Variants in RORB observed in about 807,000 individuals in gnomAD.
RORB encodes RAR related orphan receptor B.
In RORB, 6 loss-of-function variants were observed where a neutral mutation model predicts 59.1. That is an observed-to-expected ratio of 0.10 (90% confidence interval 0.06 to 0.20). The LOEUF (loss-of-function observed/expected upper bound fraction) is 0.20, where lower values mean the gene tolerates loss of function less well. Ranked by LOEUF, RORB falls within the 10% of genes least tolerant of loss-of-function variation. The pLI, the probability that RORB is intolerant of heterozygous loss-of-function variation, is 1.00. For missense variants in RORB, 320 were observed against 560.5 expected, an observed-to-expected ratio of 0.57 and a Z score of 4.33; for synonymous variants, 215 against 204.5, an observed-to-expected ratio of 1.05 and a Z score of -0.44.
At chr9:74,640,444 T>TGTGTGTGC (rs1422375477) in intron 3 of RORB, among the ~76,000 whole-genome samples, 4 of 151,714 alleles carry the variant, frequency 2.6e-5, no homozygotes, top group African/African-American at 7.2e-5. Context: ...TGTGTGTGTG[T>TGTGTGTGC]GTGTGTGTGT....
At chr9:74,657,914 A>C (rs1422180264) in intron 4 of RORB, among the ~76,000 whole-genome samples, 2 of 148,964 alleles carry the variant, frequency 1.3e-5, no homozygotes, top group Admixed American at 6.8e-5. Flanking sequence ...CTGAGGCATG[A>C]GAATCACTTG....
intron 1 of RORB, among the ~76,000 whole-genome samples, chr9:74,509,465 A>G (rs1431437157): frequency 2.0e-5 from 3 of 152,084 alleles, no homozygotes; most frequent in African/African-American, 7.2e-5. Context: ...CAGCAATTTT[A>G]TCAGAAATAG....
At chr9:74,587,340 C>A (rs1318477932) in intron 1 of RORB, among the ~76,000 whole-genome samples, 1 of 152,172 alleles carries the variant, frequency 6.6e-6, no homozygotes, top group East Asian at 1.9e-4. Flanking sequence ...AGATAAGAGG[C>A]ATTGGATGGT....
intron 1 of RORB, among the ~76,000 whole-genome samples, chr9:74,568,654 C>G (rs191865300): frequency 5.4e-5 from 8 of 147,322 alleles, no homozygotes; most frequent in African/African-American, 2.0e-4. Context: ...GAGCCAAGGT[C>G]GCGCCATTGC....
chr9:74,552,751 G>A (rs927660506), intron 1 of RORB, among the ~76,000 whole-genome samples: 9 of 151,798 alleles, frequency 5.9e-5, no homozygotes, highest in South Asian at 2.1e-4. Context: ...AGTATAAGGC[G>A]GTCAATGCAG....
intron 4 of RORB, among the ~76,000 whole-genome samples, chr9:74,655,651 C>T (rs1341372968): frequency 6.6e-6 from 1 of 152,196 alleles, no homozygotes; most frequent in African/African-American, 2.4e-5. Flanking sequence ...CCAACAGAAA[C>T]TTTGCATACT....
At chr9:74,508,145 C>T (rs1018140910) in intron 1 of RORB, among the ~76,000 whole-genome samples, 2 of 151,836 alleles carry the variant, frequency 1.3e-5, no homozygotes, top group African/African-American at 4.8e-5. Context: ...TTTATCCTTG[C>T]ATATATACTT....
chr9:74,513,570 A>C (rs940963195), intron 1 of RORB, among the ~76,000 whole-genome samples: 2 of 152,066 alleles, frequency 1.3e-5, no homozygotes, highest in African/African-American at 4.8e-5. Flanking sequence ...AAAATGGTTA[A>C]GTCTAAAATA....
In RORB at chr9:74,675,684, G is replaced by A. The variant is rs1824425845; in HGVS notation, c.1224+3783G>A. Among the ~76,000 whole-genome samples the A allele has an allele frequency of 3.3e-5, 5 of 152,218 alleles. No homozygotes were observed. In the South Asian group the frequency reaches 8.3e-4, roughly 25 times the overall value. On this transcript the variant is annotated intron_variant, in intron 9 of 9. Coordinates refer to ENST00000376896, the MANE Select transcript of RORB (RefSeq NM_006914.4). ...TTGAGGACGATACTCCAGCTTCAAA[G>A]CTGCAAAGCATACAGTGTGTGCAAA...
intron 9 of RORB, among the ~76,000 whole-genome samples, chr9:74,673,873 G>A (rs1290867360): frequency 6.6e-6 from 1 of 152,128 alleles, no homozygotes; most frequent in Non-Finnish European, 1.5e-5. Flanking sequence ...TTTTTGTGTG[G>A]CCCCTTTCTT....
intron 1 of RORB, among the ~76,000 whole-genome samples, chr9:74,508,369 G>C (rs1025257712): frequency 1.3e-5 from 2 of 151,904 alleles, no homozygotes; most frequent in Non-Finnish European, 2.9e-5. Context: ...TATGTGATTG[G>C]TTTTAGAAAG....
chr9:74,607,918 A>C (rs1464067538), intron 1 of RORB, among the ~76,000 whole-genome samples: 1 of 152,172 alleles, frequency 6.6e-6, no homozygotes, highest in Non-Finnish European at 1.5e-5. Flanking sequence ...TACTGCAGAC[A>C]TATGGGCTGG....
intron 1 of RORB, among the ~76,000 whole-genome samples, chr9:74,603,955 G>A (rs2118331231): frequency 6.6e-6 from 1 of 152,312 alleles, no homozygotes; most frequent in East Asian, 1.9e-4. Flanking sequence ...TATGCTAAAA[G>A]GAAAGAGGAG....
At position 74,544,091 on chromosome 9, in the gene RORB, A is replaced by G. The variant is rs1180695146; in HGVS notation, c.7+46108A>G. Among the ~76,000 whole-genome samples, 13 of 152,202 alleles carry G rather than the reference A, an allele frequency of 8.5e-5. No homozygotes were observed. In the East Asian group the frequency reaches 2.3e-3, roughly 27 times the overall value. On this transcript the variant is annotated intron_variant, in intron 1 of 9. Transcript: ENST00000376896. ...CCAGTGAAATGTACTGTCAGCAGAC[A>G]CAATACCTTTTCACTTTCTTATTTT...
chr9:74,510,814 T>G (rs1203177331), intron 1 of RORB, among the ~76,000 whole-genome samples: 3 of 152,106 alleles, frequency 2.0e-5, no homozygotes, highest in Non-Finnish European at 4.4e-5. Context: ...AATAAACATT[T>G]GAAAAAAAGA....
rs1824656580 is a variant in RORB at position 74,686,913 on chromosome 9, T to C, written c.*1295T>C. 1 of 152,278 alleles carries C rather than the reference T, an allele frequency of 6.6e-6. No homozygotes were observed. The highest frequency in any genetic ancestry group is 1.5e-5 in the Non-Finnish European group (1 of 68,020). 9.4% of individuals were successfully genotyped at this position (152,278 alleles called of 1,614,324 possible). On this transcript the variant is annotated 3_prime_UTR_variant, in exon 10 of 10. Transcript: ENST00000376896. ...GATCTGTGTTATTCTAGGGAACTAA[T>C]GTACCCCAAAGCCAAAACTAATTCC...
At chr9:74,595,606 C>T (rs1204051722) in intron 1 of RORB, among the ~76,000 whole-genome samples, 1 of 152,204 alleles carries the variant, frequency 6.6e-6, no homozygotes, top group Non-Finnish European at 1.5e-5. Flanking sequence ...TTGAAAACAA[C>T]AGCTTTGTAT....
chr9:74,672,372 A>G (rs1232758702), intron 9 of RORB, among the ~76,000 whole-genome samples: 1 of 152,218 alleles, frequency 6.6e-6, no homozygotes, highest in Non-Finnish European at 1.5e-5. Context: ...TCTGTGTCAT[A>G]GGACATGTTC....
At chr9:74,625,659 C>A (rs1364090346) in intron 1 of RORB, among the ~76,000 whole-genome samples, 2 of 152,166 alleles carry the variant, frequency 1.3e-5, no homozygotes, top group Non-Finnish European at 2.9e-5. Flanking sequence ...AGGAGTATAT[C>A]AAATCTCGTG....
Sources: allele counts gnomAD v4.1 joint callset (sites outside exome capture counted in the v4.1 genomes callset), GRCh38; gene constraint gnomAD v4.1.1; transcripts MANE v1.5; gene names NCBI Gene and HGNC (gene_info 2026-07-23, HGNC 2026-07-21).